Variants in PREX2 observed in about 807,000 individuals in gnomAD.
PREX2 encodes the protein phosphatidylinositol 3,4,5-trisphosphate-dependent Rac exchanger 2 protein.
PREX2 carries 107 observed loss-of-function variants against 203.2 expected under a neutral mutation model. That is an observed-to-expected ratio of 0.53 (90% confidence interval 0.45 to 0.62). PREX2 has a LOEUF of 0.62. Ranked by LOEUF, PREX2 falls within the 20% of genes least tolerant of loss-of-function variation. The probability of loss-of-function intolerance (pLI) is 0.00; values close to 1 mark genes in which losing one functional copy is unlikely to be tolerated. For missense variants in PREX2, 1,777 were observed against 1,955.9 expected, an observed-to-expected ratio of 0.91 and a Z score of 1.72; for synonymous variants, 672 against 663.6, an observed-to-expected ratio of 1.01 and a Z score of -0.19.
intron 13 of PREX2, 106 bp from the exon 14 acceptor site, chr8:68,072,389 T>A (rs1294693183): frequency 1.7e-6 from 1 of 595,458 alleles, no homozygotes; most frequent in African/African-American, 1.9e-5. Context: ...AGTGGTAAAC[T>A]TCTCTGTTGC....
intron 25 of PREX2, chr8:68,111,052 T>A (rs1050616646): frequency 3.6e-5 from 10 of 275,804 alleles, no homozygotes; most frequent in African/African-American, 2.3e-4. Flanking sequence ...GGATATGATA[T>A]TTTACTTCAT....
At chr8:68,002,335 T>G (rs573262334) in intron 1 of PREX2, among the ~76,000 whole-genome samples, 8 of 152,042 alleles carry the variant, frequency 5.3e-5, no homozygotes, top group Non-Finnish European at 1.0e-4. Context: ...TTAGTAGAGA[T>G]AGTGTTTTGC....
intron 19 of PREX2, among the ~76,000 whole-genome samples, chr8:68,089,032 T>A (rs1809784769): frequency 6.6e-6 from 1 of 152,072 alleles, no homozygotes; most frequent in African/African-American, 2.4e-5. Flanking sequence ...GGAAAGATAT[T>A]TGGTTATTTT....
intron 11 of PREX2, among the ~76,000 whole-genome samples, chr8:68,063,843 A>C (rs1808936695): frequency 6.6e-6 from 1 of 152,204 alleles, no homozygotes; most frequent in Non-Finnish European, 1.5e-5. Context: ...CATTAATAGA[A>C]TAATTCTATT....
At chr8:68,077,372 C>A (rs1352564481) in intron 14 of PREX2, 25 bp from the exon 15 acceptor site, 1 of 1,586,778 alleles carries the variant, frequency 6.3e-7, no homozygotes, top group Admixed American at 1.7e-5. Flanking sequence ...CCTATTAACT[C>A]CCACAGTGCT....
intron 35 of PREX2, among the ~76,000 whole-genome samples, chr8:68,159,384 T>G (rs1002946508): frequency 6.6e-6 from 1 of 152,196 alleles, no homozygotes; most frequent in Admixed American, 6.5e-5. Context: ...AGAAGAATAG[T>G]GAATGGCCAT....
chr8:68,223,292 G>C (rs1812993083), intron 38 of PREX2: 1 of 152,104 alleles, frequency 6.6e-6, no homozygotes, highest in Admixed American at 6.6e-5. Context: ...AGTTTTCTTT[G>C]TTTGTTTTGT....
intron 31 of PREX2, among the ~76,000 whole-genome samples, chr8:68,133,413 C>T (rs1316513221): frequency 6.6e-6 from 1 of 152,074 alleles, no homozygotes; most frequent in Non-Finnish European, 1.5e-5. Context: ...ATATACAAAT[C>T]AATTCATACT....
At chr8:68,216,870 G>A (rs73265339) in intron 37 of PREX2, among the ~76,000 whole-genome samples, 17,645 of 151,548 alleles carry the variant, frequency 0.12, 2,742 homozygotes, top group African/African-American at 0.35. Flanking sequence ...ACTGAGGCAG[G>A]AGAATTGCTT....
chr8:68,030,674 T>A lies in PREX2; in HGVS notation c.705+16T>A. 1 of 1,612,774 alleles carries A rather than the reference T, an allele frequency of 6.2e-7. No homozygotes were observed. The highest frequency in any genetic ancestry group is 8.5e-7 in the Non-Finnish European group (1 of 1,178,998). On this transcript the variant is annotated intron_variant, in intron 6 of 39. Transcript: ENST00000288368. The stretch of plus-strand genomic sequence containing the variant: ...AGGCTGGGAGGTACATTCACTTTGC[T>A]TGACAATCGAGCTTAAGATAGTTTT...
intron 1 of PREX2, among the ~76,000 whole-genome samples, chr8:67,991,822 A>G (rs72660837): frequency 2.0e-4 from 30 of 152,302 alleles, no homozygotes; most frequent in Non-Finnish European, 3.8e-4. Context: ...ACTTTAGCCA[A>G]TTGGTGCCAG....
chr8:68,075,536 C>T (rs1213587608), intron 14 of PREX2, among the ~76,000 whole-genome samples: 2 of 152,090 alleles, frequency 1.3e-5, no homozygotes, highest in Non-Finnish European at 2.9e-5. Flanking sequence ...GTCCCAGATC[C>T]CCAGGTATAT....
chr8:68,017,758 T>C (rs12549702), intron 1 of PREX2, 88 bp from the exon 2 acceptor site: 376,252 of 1,115,226 alleles, frequency 0.34, 71,541 homozygotes, highest in African/African-American at 0.76. Context: ...CTTTGGTTTG[T>C]TGTAAAGAAA....
intron 35 of PREX2, among the ~76,000 whole-genome samples, chr8:68,168,838 A>G (rs1171301896): frequency 6.6e-6 from 1 of 151,992 alleles, no homozygotes; most frequent in African/African-American, 2.4e-5. Context: ...TGCCTTTTTC[A>G]CACTTTTACT....
chr8:67,975,792 T>G (rs1806064410), intron 1 of PREX2, among the ~76,000 whole-genome samples: 1 of 139,144 alleles, frequency 7.2e-6, no homozygotes, highest in African/African-American at 2.7e-5. Flanking sequence ...GAATCTCCGC[T>G]TCTCGGGTTC....
At chr8:68,155,412 C>T (rs1289073191) in intron 34 of PREX2, among the ~76,000 whole-genome samples, 1 of 152,058 alleles carries the variant, frequency 6.6e-6, no homozygotes, top group Non-Finnish European at 1.5e-5. Context: ...TAAAAAAAAT[C>T]TGCAAATTTG....
At chr8:67,985,797 G>T (rs1563485243) in intron 1 of PREX2, among the ~76,000 whole-genome samples, 1 of 152,174 alleles carries the variant, frequency 6.6e-6, no homozygotes, top group Non-Finnish European at 1.5e-5. Flanking sequence ...GGGCTTGGCT[G>T]GTCCTAGGGG....
chr8:68,110,974 T>G (rs1295088005), intron 25 of PREX2: 1 of 422,074 alleles, frequency 2.4e-6, no homozygotes, highest in South Asian at 1.8e-5. Context: ...AAGGAGAGTA[T>G]TTTTTTAAGC....
At chr8:68,123,132 G>A (rs1810814186) in intron 30 of PREX2, among the ~76,000 whole-genome samples, 1 of 152,016 alleles carries the variant, frequency 6.6e-6, no homozygotes, top group Admixed American at 6.6e-5. Context: ...TATTGTGTGG[G>A]AGTCTAAGAC....
Sources: gnomAD v4.1 joint callset for allele counts (sites outside exome capture counted in the v4.1 genomes callset) on GRCh38, gnomAD v4.1.1 for gene constraint, MANE v1.5 for transcripts, NCBI Gene and HGNC (gene_info 2026-07-23, HGNC 2026-07-21) for gene names.